APBB2: variants seen among roughly 807,000 people sequenced by gnomAD.
APBB2 encodes the protein amyloid beta precursor protein binding family B member 2, also known as Fe65-like 1.
A neutral mutation model predicts 82.5 loss-of-function variants in APBB2; 38 were observed. The ratio of observed to expected loss-of-function variants is 0.46; its 90% CI spans 0.36 to 0.60. The LOEUF (loss-of-function observed/expected upper bound fraction) is 0.60, where lower values mean the gene tolerates loss of function less well. Among genes scored for constraint, APBB2 ranks in the 20% least tolerant of loss-of-function variants. APBB2 has a pLI of 0.00. For synonymous variants in APBB2, 341 were observed against 368.2 expected, an observed-to-expected ratio of 0.93 and a Z score of 0.85; for missense variants, 772 against 972.3, an observed-to-expected ratio of 0.79 and a Z score of 2.74.
intron 4 of APBB2, among the ~76,000 whole-genome samples, chr4:41,052,046 C>T (rs1477553069): frequency 6.6e-6 from 1 of 152,130 alleles, no homozygotes; most frequent in East Asian, 1.9e-4. Context: ...CATGAATATT[C>T]TTAAAGCTTT....
chr4:41,020,782 C>G (rs1275123530), intron 5 of APBB2, among the ~76,000 whole-genome samples: 1 of 152,236 alleles, frequency 6.6e-6, no homozygotes, highest in Admixed American at 6.5e-5. Context: ...TATCCTTACT[C>G]TACAATCCCA....
intron 12 of APBB2, among the ~76,000 whole-genome samples, chr4:40,835,898 T>G (rs949677288): frequency 6.6e-6 from 1 of 151,984 alleles, no homozygotes; most frequent in Non-Finnish European, 1.5e-5. Context: ...GTGAGAGACG[T>G]GGATGAGGGA....
intron 12 of APBB2, among the ~76,000 whole-genome samples, chr4:40,872,657 G>C (rs548494252): frequency 6.6e-6 from 1 of 152,232 alleles, no homozygotes; most frequent in East Asian, 1.9e-4. Context: ...AGGGAGAAAA[G>C]GAATTCTACG....
At chr4:40,942,492 C>G (rs972948315) in intron 7 of APBB2, among the ~76,000 whole-genome samples, 1 of 152,176 alleles carries the variant, frequency 6.6e-6, no homozygotes, top group Non-Finnish European at 1.5e-5. Context: ...CTCATTGAGT[C>G]TCAGTTACCT....
chr4:41,079,094 A>G (rs563684077), intron 3 of APBB2, among the ~76,000 whole-genome samples: 15 of 152,322 alleles, frequency 9.8e-5, no homozygotes, highest in African/African-American at 2.9e-4. Flanking sequence ...CAGAGTTGGT[A>G]CCAAGTGTCT....
chr4:40,980,172 G>A (rs934099949), intron 6 of APBB2, among the ~76,000 whole-genome samples: 7 of 152,080 alleles, frequency 4.6e-5, no homozygotes, highest in African/African-American at 9.7e-5. Flanking sequence ...ACAGGCGCAC[G>A]CTGCCACGCC....
At chr4:41,014,662 A>G (rs1809368897) in intron 5 of APBB2, among the ~76,000 whole-genome samples, 2 of 152,244 alleles carry the variant, frequency 1.3e-5, no homozygotes, top group African/African-American at 2.4e-5. Context: ...TTAAAATAAA[A>G]AAGCATTTCT....
intron 12 of APBB2, among the ~76,000 whole-genome samples, chr4:40,840,745 T>C (rs1250826852): frequency 1.3e-5 from 2 of 152,126 alleles, no homozygotes; most frequent in East Asian, 1.9e-4. Context: ...AGATCTGAAA[T>C]TCTACCACCT....
intron 13 of APBB2, among the ~76,000 whole-genome samples, chr4:40,829,699 G>C (rs1221714528): frequency 6.6e-6 from 1 of 152,088 alleles, no homozygotes; most frequent in African/African-American, 2.4e-5. Context: ...CAGAGGGTGG[G>C]GGGATGTCTG....
rs546374454 is a variant in APBB2, at chr4:40,905,691, T to C, written c.1255-12280A>G. Among the ~76,000 whole-genome samples, 7 of 152,348 alleles carry C rather than the reference T, an allele frequency of 4.6e-5. No individual in the cohort carries two copies. The East Asian group carries it at 1.4e-3, about 29-fold the overall frequency. On this transcript the variant is annotated intron_variant, in intron 10 of 17. Coordinates refer to ENST00000508593, the MANE Select transcript of APBB2 (RefSeq NM_004307.2). ...GGAACCACTGATGTGCTGGAGAGAA[T>C]GCACAAAGGCAGTCTCACTCCAGTG...
intron 1 of APBB2, among the ~76,000 whole-genome samples, chr4:41,180,509 G>A (rs941834286): frequency 3.3e-5 from 5 of 151,984 alleles, no homozygotes; most frequent in Admixed American, 6.6e-5. Flanking sequence ...TGGTACATGC[G>A]TGTAGTCCCA....
intron 6 of APBB2, among the ~76,000 whole-genome samples, chr4:41,008,524 A>G (rs1807421679): frequency 6.6e-6 from 1 of 152,202 alleles, no homozygotes; most frequent in Admixed American, 6.5e-5. Flanking sequence ...AGATGAACCA[A>G]CCCTTGCTCT....
rs558156439 is a variant in APBB2 at position 40,859,197 on chromosome 4, C to A, written c.1530-28620G>T. Reference sequence around the variant, plus strand: ...GTGTGACAAGTCCTGCCAACTCTGCCTCCTCCTGCTCTCTCCAACTTGCCC... The same window carrying A: ...GTGTGACAAGTCCTGCCAACTCTGCATCCTCCTGCTCTCTCCAACTTGCCC... On this transcript the variant is annotated intron_variant, in intron 12 of 17. Coordinates refer to ENST00000508593, the MANE Select transcript of APBB2 (RefSeq NM_004307.2). 5.9e-5 allele frequency among the ~76,000 whole-genome samples: 9 copies of A among 152,240 alleles called. No homozygotes were observed. In the South Asian group the frequency reaches 1.9e-3, roughly 32 times the overall value.
chr4:40,976,988 A>G (rs1797330513), intron 6 of APBB2, among the ~76,000 whole-genome samples: 1 of 152,196 alleles, frequency 6.6e-6, no homozygotes, highest in African/African-American at 2.4e-5. Context: ...GGTCGAGGCT[A>G]CAGTGAGCTA....
intron 6 of APBB2, among the ~76,000 whole-genome samples, chr4:41,004,231 TG>T (rs1175982437): frequency 6.6e-6 from 1 of 152,150 alleles, no homozygotes; most frequent in African/African-American, 2.4e-5. Context: ...AAATTTCTAT[TG>T]TTTTAAGCCA....
At chr4:41,003,635 C>T (rs1805832003) in intron 6 of APBB2, among the ~76,000 whole-genome samples, 1 of 152,178 alleles carries the variant, frequency 6.6e-6, no homozygotes, top group Non-Finnish European at 1.5e-5. Flanking sequence ...TTTCTGGGAA[C>T]CACCAGAAGC....
chr4:40,848,042 G>A (rs1481918761), intron 12 of APBB2, among the ~76,000 whole-genome samples: 1 of 152,130 alleles, frequency 6.6e-6, no homozygotes, highest in Non-Finnish European at 1.5e-5. Context: ...TTGGGCTCAA[G>A]CAATCCACCC....
At chr4:41,207,414 T>G (rs189174266) in intron 1 of APBB2, among the ~76,000 whole-genome samples, 15 of 152,218 alleles carry the variant, frequency 9.9e-5, no homozygotes, top group Non-Finnish European at 1.9e-4. Flanking sequence ...AATTCTAGGT[T>G]CTATGGCTTT....
chr4:40,875,452 T>A (rs1341707221), intron 12 of APBB2, among the ~76,000 whole-genome samples: 3 of 152,246 alleles, frequency 2.0e-5, no homozygotes, highest in Non-Finnish European at 4.4e-5. Context: ...GTAGCCACAT[T>A]AAACAACTGG....
Sources: gnomAD v4.1 joint callset for allele counts (sites outside exome capture counted in the v4.1 genomes callset) on GRCh38, gnomAD v4.1.1 for gene constraint, MANE v1.5 for transcripts, NCBI Gene and HGNC (gene_info 2026-07-23, HGNC 2026-07-21) for gene names.